Variants in ATG10 observed in about 807,000 individuals in gnomAD.
ATG10 encodes ubiquitin-like-conjugating enzyme ATG10.
In ATG10, 30 loss-of-function variants were observed where a neutral mutation model predicts 32.1. The ratio of observed to expected loss-of-function variants is 0.94; its 90% CI spans 0.70 to 1.27. ATG10 has a LOEUF of 1.27. Ranked by LOEUF, ATG10 falls within the 50% of genes most tolerant of loss-of-function variation. The pLI, the probability that ATG10 is intolerant of heterozygous loss-of-function variation, is 0.00. For missense variants in ATG10, 233 were observed against 262.3 expected, an observed-to-expected ratio of 0.89 and a Z score of 0.77; for synonymous variants, 87 against 91.5, an observed-to-expected ratio of 0.95 and a Z score of 0.28.
intron 2 of ATG10, chr5:82,009,458 A>G: frequency 1.6e-6 from 1 of 640,198 alleles, no homozygotes; most frequent in South Asian, 1.9e-5. Context: ...GGGAGGGAAC[A>G]AGGAAAACAT....
rs528148602 is a variant in ATG10, at chr5:82,208,068, T to C, written c.453+29481T>C. ...GGATATCCAATTTTCTCAGCACTAT[T>C]TATGAAAAAGATTGTGCTTTCTGCA... On this transcript the variant is annotated intron_variant, in intron 5 of 7. Transcript: ENST00000282185. Among the ~76,000 whole-genome samples, 175 of 152,336 alleles carry C rather than the reference T, an allele frequency of 1.1e-3. 2 individuals carry two copies. Among genetic ancestry groups the C allele is most frequent in the Admixed American group, 2.3e-3 (35 of 15,300 alleles).
At chr5:82,140,164 CG>C (rs1767029476) in intron 3 of ATG10, among the ~76,000 whole-genome samples, 16 of 98,456 alleles carry the variant, frequency 1.6e-4, no homozygotes, top group East Asian at 6.9e-4. Flanking sequence ...CCCCTCTGCC[CG>C]GCCAGCCGCC....
chr5:82,164,235 C>T (rs1055939985), intron 3 of ATG10, among the ~76,000 whole-genome samples, 164 bp from the exon 4 acceptor site: 1 of 152,096 alleles, frequency 6.6e-6, no homozygotes, highest in African/African-American at 2.4e-5. Flanking sequence ...TTACCCAGGA[C>T]TCAAATGTTA....
At chr5:82,075,057 A>C (rs890617687) in intron 3 of ATG10, among the ~76,000 whole-genome samples, 1 of 152,186 alleles carries the variant, frequency 6.6e-6, no homozygotes, top group Non-Finnish European at 1.5e-5. Context: ...TTGTGGACCT[A>C]AGATGCTTTG....
chr5:82,056,357 C>T (rs1415432006), intron 2 of ATG10, among the ~76,000 whole-genome samples: 1 of 150,838 alleles, frequency 6.6e-6, no homozygotes, highest in Admixed American at 6.6e-5. Context: ...AATGTGGTTT[C>T]TCTGTATCTC....
chr5:82,085,752 T>A (rs1312911190), intron 3 of ATG10, among the ~76,000 whole-genome samples: 1 of 152,160 alleles, frequency 6.6e-6, no homozygotes, highest in Non-Finnish European at 1.5e-5. Context: ...AAAATGGGTA[T>A]TTGCACACAC....
intron 2 of ATG10, among the ~76,000 whole-genome samples, chr5:82,040,495 G>T (rs1211153727): frequency 6.6e-6 from 1 of 152,082 alleles, no homozygotes; most frequent in African/African-American, 2.4e-5. Flanking sequence ...ATCAATATTT[G>T]ACTAAAAATT....
chr5:82,149,280 C>A (rs1767490931), intron 3 of ATG10, among the ~76,000 whole-genome samples: 1 of 151,878 alleles, frequency 6.6e-6, no homozygotes, highest in African/African-American at 2.4e-5. Flanking sequence ...CAGTGGTAAG[C>A]TGTTTACTAA....
At chr5:82,246,843 TC>T (rs1468346508) in intron 5 of ATG10, among the ~76,000 whole-genome samples, 3 of 152,146 alleles carry the variant, frequency 2.0e-5, no homozygotes, top group African/African-American at 7.2e-5. Flanking sequence ...ATAAGGCAAA[TC>T]TGCTAGCAAG....
rs78841108 is a variant in ATG10, at chr5:82,112,843, CTTTG to C, written c.217-51551_217-51548del. ...ATTTTATTGGCTTCATAACAGCAAACTTTGTTTGGAGAACCATATTGTGCAAGTG... is the reference window on the plus strand; with the variant it reads ...ATTTTATTGGCTTCATAACAGCAAACTTTGGAGAACCATATTGTGCAAGTG... On this transcript the variant is annotated intron_variant, in intron 3 of 7. Coordinates refer to ENST00000282185, the MANE Select transcript of ATG10 (RefSeq NM_031482.5). Among the ~76,000 whole-genome samples the C allele has an allele frequency of 3.5e-3, 528 of 151,874 alleles. 3 individuals are homozygous for C. The highest frequency in any genetic ancestry group is 5.1e-3 in the Non-Finnish European group (346 of 67,846).
intron 2 of ATG10, among the ~76,000 whole-genome samples, chr5:82,038,748 A>G (rs1763003978): frequency 6.6e-6 from 1 of 152,214 alleles, no homozygotes; most frequent in African/African-American, 2.4e-5. Flanking sequence ...AAAGCTTTCT[A>G]ATGTCTTAAG....
In ATG10 at chr5:82,108,140, G is replaced by A. The variant is rs111396446; in HGVS notation, c.216+49538G>A. Among the ~76,000 whole-genome samples the A allele has an allele frequency of 2.3e-3, 357 of 152,062 alleles. 2 individuals are homozygous for A. The highest frequency in any genetic ancestry group is 7.8e-3 in the African/African-American group (323 of 41,510). On this transcript the variant is annotated intron_variant, in intron 3 of 7. Coordinates refer to ENST00000282185, the MANE Select transcript of ATG10 (RefSeq NM_031482.5). ...AGGAGAGCAAACTGCACACCATTTC[G>A]AGGAAACAAATAATGTTTTGATTAA...
At chr5:82,200,303 A>T (rs1300419058) in intron 5 of ATG10, among the ~76,000 whole-genome samples, 1 of 150,306 alleles carries the variant, frequency 6.7e-6, no homozygotes, top group Non-Finnish European at 1.5e-5. Context: ...CAGTTTATTT[A>T]TTTACTTTAA....
intron 5 of ATG10, among the ~76,000 whole-genome samples, chr5:82,233,283 C>G (rs1746434906): frequency 6.6e-6 from 1 of 152,078 alleles, no homozygotes; most frequent in Non-Finnish European, 1.5e-5. Flanking sequence ...TGTCTGACAC[C>G]ATCACCAATG....
At chr5:82,085,740 A>G (rs1764661795) in intron 3 of ATG10, among the ~76,000 whole-genome samples, 1 of 152,190 alleles carries the variant, frequency 6.6e-6, no homozygotes, top group African/African-American at 2.4e-5. Context: ...TTAAGTTAGT[A>G]AAAAATGGGT....
chr5:82,191,929 T>A (rs1744676915), intron 5 of ATG10, among the ~76,000 whole-genome samples: 1 of 152,216 alleles, frequency 6.6e-6, no homozygotes, highest in Non-Finnish European at 1.5e-5. Context: ...ATGCCCTTCC[T>A]GTACAGCAGA....
At chr5:82,136,402 C>G (rs1766751671) in intron 3 of ATG10, among the ~76,000 whole-genome samples, 1 of 152,146 alleles carries the variant, frequency 6.6e-6, no homozygotes, top group Non-Finnish European at 1.5e-5. Context: ...ACTTCAGGAG[C>G]TCTTGTAAGG....
intron 5 of ATG10, among the ~76,000 whole-genome samples, chr5:82,214,622 T>C (rs1745607593): frequency 6.6e-6 from 1 of 152,180 alleles, no homozygotes. Flanking sequence ...TGTATATGAT[T>C]GGGATCTTGT....
chr5:82,245,488 G>T (rs1469721506), intron 5 of ATG10, among the ~76,000 whole-genome samples: 1 of 152,150 alleles, frequency 6.6e-6, no homozygotes, highest in Non-Finnish European at 1.5e-5. Flanking sequence ...TATTGGCTCA[G>T]GTTACTATGC....
Sources: allele counts gnomAD v4.1 joint callset (sites outside exome capture counted in the v4.1 genomes callset), GRCh38; gene constraint gnomAD v4.1.1; transcripts MANE v1.5; gene names NCBI Gene and HGNC (gene_info 2026-07-23, HGNC 2026-07-21).